Variants in NRK observed in about 807,000 individuals in gnomAD.
The protein encoded by NRK is nik-related protein kinase.
In NRK, 67 loss-of-function variants were observed where a neutral mutation model predicts 125.2. The ratio of observed to expected loss-of-function variants is 0.54; its 90% CI spans 0.44 to 0.66. The LOEUF is 0.66. NRK is among the 30% of genes least tolerant of loss of function. The pLI is 0.00. For synonymous variants in NRK, 458 were observed against 429.0 expected (o/e 1.07, Z -0.84); for missense variants, 1,224 against 1,192.9 (o/e 1.03, Z -0.38).
At chrX:105,952,935 A>G in intron 27 of NRK, 99 bp from the exon 28 acceptor site, 8 of 712,206 alleles carry the variant, frequency 1.1e-5, no homozygotes, top group Non-Finnish European at 1.4e-5. Context: ...AACTGTAACA[A>G]TGAGCCTCTT....
intron 2 of NRK, among the ~76,000 whole-genome samples, chrX:105,837,641 G>C (rs1002710022): frequency 1.8e-5 from 2 of 110,908 alleles, no homozygotes; most frequent in African/African-American, 6.6e-5. Flanking sequence ...GAAATTGTGG[G>C]TTCTATTTTT....
chrX:105,865,910 C>G (rs746495986), intron 2 of NRK, among the ~76,000 whole-genome samples: 114 of 106,826 alleles, frequency 1.1e-3, no homozygotes, highest in African/African-American at 3.7e-3. Context: ...ACTTTGTGTT[C>G]AAAGTTTAGC....
chrX:105,922,163 T>C, intron 17 of NRK, 102 bp downstream of exon 17: 1 of 392,172 alleles, frequency 2.5e-6, no homozygotes, highest in Non-Finnish European at 4.5e-6. Flanking sequence ...TTAAAGAGTT[T>C]AGTTTTTTAA....
At chrX:105,826,361 T>A (rs1341252378) in intron 1 of NRK, among the ~76,000 whole-genome samples, 1 of 83,135 alleles carries the variant, frequency 1.2e-5, no homozygotes, top group African/African-American at 4.9e-5. Flanking sequence ...ACATTATATA[T>A]AATATATTAT....
intron 3 of NRK, among the ~76,000 whole-genome samples, chrX:105,880,791 G>T (rs1167102575): frequency 9.0e-6 from 1 of 111,568 alleles, no homozygotes; most frequent in Non-Finnish European, 1.9e-5. Flanking sequence ...ATAAAGTTGT[G>T]TCACGGTTCA....
chrX:105,841,814 A>G (rs1490706787), intron 2 of NRK, among the ~76,000 whole-genome samples: 1 of 111,517 alleles, frequency 9.0e-6, no homozygotes, highest in Non-Finnish European at 1.9e-5. Context: ...CACTTTAGAG[A>G]TAGTGACCTC....
Position 105,845,122 on chromosome X carries a change from T to C in NRK, c.123+14003T>C, listed in dbSNP as rs150299995. Among the ~76,000 whole-genome samples the C allele has an allele frequency of 3.3e-3, 366 of 111,822 alleles. 3 individuals are homozygous for C. Among genetic ancestry groups the C allele is most frequent in the African/African-American group, 0.012 (359 of 30,789 alleles). ...AAGCAAAAGCCATTTGAGTTTCTAATGATGCCACTTGCCCTCTATTTGCAT... is the reference window on the plus strand; with the variant it reads ...AAGCAAAAGCCATTTGAGTTTCTAACGATGCCACTTGCCCTCTATTTGCAT... On this transcript the variant is annotated intron_variant, in intron 2 of 28. Coordinates refer to ENST00000243300, the MANE Select transcript of NRK (RefSeq NM_198465.4).
At chrX:105,922,215 T>G (rs1448269382) in intron 17 of NRK, among the ~76,000 whole-genome samples, 154 bp downstream of exon 17, 1 of 112,483 alleles carries the variant, frequency 8.9e-6, no homozygotes, top group Non-Finnish European at 1.9e-5. Flanking sequence ...TGTGAATACA[T>G]AGAACACAAA....
At chrX:105,905,472 T>G in intron 10 of NRK, 129 bp downstream of exon 10, 1 of 516,482 alleles carries the variant, frequency 1.9e-6, no homozygotes, top group Non-Finnish European at 3.3e-6. Context: ...AAGTCTAATA[T>G]CTTAACTGGG....
chrX:105,923,101 C>G lies in NRK; in HGVS notation c.2611-17C>G. ...GAAAGCTACTAGAGGCTACATTAAC[C>G]TTTCTTGTGCACACAGGTTCCAGAT... On this transcript the variant is annotated splice_polypyrimidine_tract_variant and intron_variant, in intron 17 of 28. Coordinates refer to ENST00000243300, the MANE Select transcript of NRK (RefSeq NM_198465.4). 8.5e-7 allele frequency: 1 copy of G among 1,180,173 alleles called. No homozygotes were observed. The highest frequency in any genetic ancestry group is 1.1e-6 in the Non-Finnish European group (1 of 876,573).
At chrX:105,906,741 T>C (rs1267387220) in intron 11 of NRK, among the ~76,000 whole-genome samples, 152 bp downstream of exon 11, 1 of 105,974 alleles carries the variant, frequency 9.4e-6, no homozygotes, top group Non-Finnish European at 1.9e-5. Context: ...ATATGCCATG[T>C]GCTCTTATTT....
At chrX:105,955,075 C>G (rs2040957531) in intron 28 of NRK, among the ~76,000 whole-genome samples, 2 of 109,808 alleles carry the variant, frequency 1.8e-5, no homozygotes, top group African/African-American at 3.3e-5. Flanking sequence ...AAAATTGTAC[C>G]AAGTAGAAAA....
chrX:105,947,597 A>G (rs2040833342), intron 26 of NRK, among the ~76,000 whole-genome samples: 1 of 111,595 alleles, frequency 9.0e-6, no homozygotes, highest in African/African-American at 3.2e-5. Context: ...CTGTGTCTCA[A>G]ATTTGATGTT....
intron 19 of NRK, 50 bp from the exon 20 acceptor site, chrX:105,934,208 C>A: frequency 1.2e-6 from 1 of 800,396 alleles, no homozygotes. Flanking sequence ...ATATTTCTCC[C>A]ACTGTTAACC....
Position 105,909,328 on chromosome X carries a change from G to A in NRK, c.1687G>A (p.Glu563Lys), listed in dbSNP as rs1365710740. 4 of 1,204,328 alleles carry A rather than the reference G, an allele frequency of 3.3e-6. No individual in the cohort carries two copies. The highest frequency in any genetic ancestry group is 4.5e-6 in the Non-Finnish European group (4 of 891,851). ...GGCACCTGAACAGCCAGAGGTACAG[G>A]AACAGGCTGCCGAGCCTGCACAGGC... is the stretch of plus-strand genomic sequence containing the variant. The part of the protein sequence containing the change: ...NQAPEQPEVQ[E>K]QAAEPAQAET... The change falls in exon 13 of 29, where the codon GAA (glutamate) becomes AAA (lysine). Residue 563 changes from glutamate to lysine, a missense_variant. Coordinates refer to ENST00000243300, the MANE Select transcript of NRK (RefSeq NM_198465.4).
chrX:105,897,500 C>G (rs1347595199), intron 7 of NRK, among the ~76,000 whole-genome samples: 2 of 111,661 alleles, frequency 1.8e-5, no homozygotes, highest in African/African-American at 6.5e-5. Flanking sequence ...ATTTCTCTTT[C>G]TCTTGCTCTT....
At chrX:105,917,504 G>T in intron 15 of NRK, 74 bp from the exon 16 acceptor site, 1 of 558,712 alleles carries the variant, frequency 1.8e-6, no homozygotes, top group Non-Finnish European at 2.7e-6. Context: ...ACTTTGTGTT[G>T]GACTTTATGT....
chrX:105,830,126 G>T (rs2039167860), intron 1 of NRK, among the ~76,000 whole-genome samples: 2 of 107,019 alleles, frequency 1.9e-5, no homozygotes, highest in South Asian at 8.4e-4. Flanking sequence ...GGTGGATCAC[G>T]AGGTCAGGAG....
chrX:105,916,886 T>A (rs903014405), intron 15 of NRK, among the ~76,000 whole-genome samples: 1 of 111,848 alleles, frequency 8.9e-6, no homozygotes, highest in East Asian at 2.8e-4. Flanking sequence ...CCTTTAAATA[T>A]AGTTAAATTT....
Sources: gnomAD v4.1 joint callset for allele counts (sites outside exome capture counted in the v4.1 genomes callset) on GRCh38, gnomAD v4.1.1 for gene constraint, MANE v1.5 for transcripts, NCBI Gene and HGNC (gene_info 2026-07-23, HGNC 2026-07-21) for gene names.